POP1: variants seen among roughly 807,000 people sequenced by gnomAD.
POP1 encodes POP1 ribonuclease P/MRP subunit, also known as ribonucleases P/MRP protein subunit POP1.
Under a neutral mutation model 102.2 loss-of-function variants are expected in POP1, and 75 were observed. That is an observed-to-expected ratio of 0.73 (90% confidence interval 0.61 to 0.89). The LOEUF is 0.89. Among genes scored for constraint, POP1 ranks in the 40% least tolerant of loss-of-function variants. POP1 has a pLI of 0.00. For missense variants in POP1, 1,116 were observed against 1,267.4 expected (o/e 0.88, Z 1.81); for synonymous variants, 436 against 464.1 (o/e 0.94, Z 0.78).
At chr8:98,124,418 C>G (rs576861388) in intron 2 of POP1, among the ~76,000 whole-genome samples, 98 of 152,042 alleles carry the variant, frequency 6.4e-4, no homozygotes, top group Non-Finnish European at 8.2e-4. Context: ...AAAAATTAGC[C>G]AGACATGGTG....
Position 98,134,601 on chromosome 8 carries a change from CG to C in POP1, c.956del (p.Gly319ValfsTer22). On this transcript the variant is annotated frameshift_variant, in exon 7 of 16. Coordinates refer to ENST00000401707, the MANE Select transcript of POP1 (RefSeq NM_001145860.2). LOFTEE classifies it high-confidence loss of function. ...TTTATCTGGAAGTCCCAGAGGACCC[CG>C]GGTGACCCTTCTGAGAGCAGGCAGC... The part of the protein sequence containing the change: ...VTFIWKSQRT[P>X]GDPSESRQLW... 1 of 1,614,092 alleles carries C rather than the reference CG, an allele frequency of 6.2e-7. No individual in the cohort carries two copies. The highest frequency in any genetic ancestry group is 8.5e-7 in the Non-Finnish European group (1 of 1,179,952).
At chr8:98,131,887 G>C (rs1187042093) in intron 5 of POP1, among the ~76,000 whole-genome samples, 1 of 152,162 alleles carries the variant, frequency 6.6e-6, no homozygotes, top group East Asian at 1.9e-4. Context: ...ATAGATAATA[G>C]TCAAGTTCCT....
chr8:98,152,494 A>T (rs1809538996), intron 14 of POP1, among the ~76,000 whole-genome samples: 1 of 152,252 alleles, frequency 6.6e-6, no homozygotes, highest in East Asian at 1.9e-4. Context: ...AAGCAGCTGC[A>T]GATGACACGT....
chr8:98,145,335 G>A (rs938931554), intron 11 of POP1, among the ~76,000 whole-genome samples: 2 of 152,198 alleles, frequency 1.3e-5, no homozygotes, highest in African/African-American at 2.4e-5. Context: ...AGGCAGGTAT[G>A]TGCCTTTGAG....
intron 1 of POP1, among the ~76,000 whole-genome samples, chr8:98,120,494 CAG>C (rs1815978512): frequency 6.6e-6 from 1 of 152,176 alleles, no homozygotes; most frequent in Non-Finnish European, 1.5e-5. Flanking sequence ...TATTTTGAGA[CAG>C]AGTCTCACTC....
At chr8:98,134,943 C>A (rs1816488201) in intron 7 of POP1, among the ~76,000 whole-genome samples, 1 of 152,044 alleles carries the variant, frequency 6.6e-6, no homozygotes, top group Non-Finnish European at 1.5e-5. Flanking sequence ...CCATCACCAC[C>A]CATGCTGTAC....
At position 98,123,272 on chromosome 8, in the gene POP1, A is replaced by G. The variant is rs185608904; in HGVS notation, c.-2-64A>G. On this transcript the variant is annotated intron_variant, in intron 1 of 15. Coordinates refer to ENST00000401707, the MANE Select transcript of POP1 (RefSeq NM_001145860.2). ...AATCACATGAATATTTACTCATTAAATTTATTTTTATTTTTGAGTGGAAGT... is the reference window on the plus strand; with the variant it reads ...AATCACATGAATATTTACTCATTAAGTTTATTTTTATTTTTGAGTGGAAGT... 1.6e-4 allele frequency: 256 copies of G among 1,552,706 alleles called. 2 individuals are homozygous for G. In the East Asian group the frequency reaches 5.9e-3, roughly 36 times the overall value.
chr8:98,153,448 A>G (rs1809568038), intron 14 of POP1, among the ~76,000 whole-genome samples: 1 of 151,620 alleles, frequency 6.6e-6, no homozygotes, highest in African/African-American at 2.4e-5. Flanking sequence ...TCTGAATATA[A>G]GACTGTGAGA....
intron 13 of POP1, 93 bp downstream of exon 13, chr8:98,149,099 C>A: frequency 8.1e-7 from 1 of 1,234,176 alleles, no homozygotes; most frequent in Non-Finnish European, 1.2e-6. Flanking sequence ...TTATGTACAA[C>A]TTAGGAGGAA....
chr8:98,158,449 A>G lies in POP1; in HGVS notation c.*178A>G. 1.4e-6 allele frequency: 1 copy of G among 690,616 alleles called. No homozygotes were observed. Among genetic ancestry groups the G allele is most frequent in the East Asian group, 2.8e-5 (1 of 36,224 alleles). The allele number at this position is 690,616 out of a possible 1,614,324, so 42.8% of individuals were successfully genotyped here. A position where few individuals can be genotyped will look rare whatever the true frequency, so the allele number is the denominator to read the frequency against. On this transcript the variant is annotated 3_prime_UTR_variant, in exon 16 of 16. Transcript: ENST00000401707. ...TTACATCATTCCAGTAATGTCATTG[A>G]TTTTCATCTTTCCCTGTCCTTGCTG...
chr8:98,134,721 T>C, intron 7 of POP1, 62 bp downstream of exon 7: 1 of 1,471,244 alleles, frequency 6.8e-7, no homozygotes, highest in Non-Finnish European at 9.5e-7. Flanking sequence ...CTGCTGGAAG[T>C]CAATACTGTA....
chr8:98,150,642 A>G lies in POP1; in HGVS notation c.2057+3A>G, dbSNP rs957017365. The G allele has an allele frequency of 1.2e-6, 2 of 1,613,626 alleles. No individual in the cohort carries two copies. The highest frequency in any genetic ancestry group is 1.7e-6 in the Non-Finnish European group (2 of 1,179,940). Reference sequence around the variant, plus strand: ...AATCTTCTTGAAAAGTACAAAAGGTAAGAAACTGGCTTCTCTAATTTGATA... The same window carrying G: ...AATCTTCTTGAAAAGTACAAAAGGTGAGAAACTGGCTTCTCTAATTTGATA... On this transcript the variant is annotated splice_donor_region_variant and intron_variant, in intron 14 of 15. Transcript: ENST00000401707.
chr8:98,129,885 C>A, intron 4 of POP1, 93 bp from the exon 5 acceptor site: 2 of 1,418,112 alleles, frequency 1.4e-6, no homozygotes, highest in Non-Finnish European at 2.0e-6. Flanking sequence ...AAATATTCCA[C>A]TTAATCTAAA....
chr8:98,146,559 C>T lies in POP1; in HGVS notation c.1595-9C>T. ...ATGTGGTTTGAAGGCTATTTCTTTTCCCTCTTAGATAATGAGAAAGTTAGA... is the reference window on the plus strand; with the variant it reads ...ATGTGGTTTGAAGGCTATTTCTTTTTCCTCTTAGATAATGAGAAAGTTAGA... On this transcript the variant is annotated splice_polypyrimidine_tract_variant and intron_variant, in intron 11 of 15. Coordinates refer to ENST00000401707, the MANE Select transcript of POP1 (RefSeq NM_001145860.2). 6.3e-7 allele frequency: 1 copy of T among 1,599,752 alleles called. No individual in the cohort carries two copies. The highest frequency in any genetic ancestry group is 1.1e-5 in the South Asian group (1 of 90,760).
intron 4 of POP1, among the ~76,000 whole-genome samples, chr8:98,129,635 A>G (rs1816317899): frequency 6.6e-6 from 1 of 152,078 alleles, no homozygotes; most frequent in Non-Finnish European, 1.5e-5. Flanking sequence ...CTAGCATTTG[A>G]TTTCTTCTTT....
At chr8:98,155,951 G>GTGTGTGTGTGTGTT (rs1809636857) in intron 14 of POP1, 99 bp from the exon 15 acceptor site, 2 of 889,726 alleles carry the variant, frequency 2.2e-6, no homozygotes, top group African/African-American at 4.0e-5. Flanking sequence ...GTGTGTGTGT[G>GTGTGTGTGTGTGTT]TGTGTTTTAA....
At chr8:98,155,740 C>T (rs994261212) in intron 14 of POP1, among the ~76,000 whole-genome samples, 2 of 150,586 alleles carry the variant, frequency 1.3e-5, no homozygotes, top group Non-Finnish European at 2.9e-5. Context: ...TCCACCATGC[C>T]CGGCTAATTT....
intron 14 of POP1, among the ~76,000 whole-genome samples, chr8:98,154,281 T>A (rs1458829148): frequency 6.6e-6 from 1 of 152,198 alleles, no homozygotes; most frequent in Non-Finnish European, 1.5e-5. Flanking sequence ...GAGAGTTGGC[T>A]GCGCCCAGGT....
intron 1 of POP1, among the ~76,000 whole-genome samples, chr8:98,118,429 T>C (rs930014918): frequency 1.3e-5 from 2 of 152,162 alleles, no homozygotes; most frequent in African/African-American, 4.8e-5. Flanking sequence ...TCTTTTTCTT[T>C]GTTTTCTTTC....
Sources: gnomAD v4.1 joint callset for allele counts (sites outside exome capture counted in the v4.1 genomes callset) on GRCh38, gnomAD v4.1.1 for gene constraint, MANE v1.5 for transcripts, NCBI Gene and HGNC (gene_info 2026-07-23, HGNC 2026-07-21) for gene names.